KPNA1: variants seen among roughly 807,000 people sequenced by gnomAD.
KPNA1 encodes karyopherin subunit alpha 1.
A neutral mutation model predicts 70.5 loss-of-function variants in KPNA1; 10 were observed. The ratio of observed to expected loss-of-function variants is 0.14; its 90% CI spans 0.09 to 0.24. The LOEUF (loss-of-function observed/expected upper bound fraction) is 0.24. Ranked by LOEUF, KPNA1 falls within the 10% of genes least tolerant of loss-of-function variation. KPNA1 has a pLI of 1.00. For synonymous variants in KPNA1, 192 were observed against 221.9 expected (o/e 0.87, Z 1.20); for missense variants, 397 against 637.9 (o/e 0.62, Z 4.07).
At chr3:122,463,175 C>T (rs761019665) in intron 4 of KPNA1, among the ~76,000 whole-genome samples, 3 of 152,010 alleles carry the variant, frequency 2.0e-5, no homozygotes, top group Admixed American at 6.6e-5. Context: ...AGTGAAACAC[C>T]GTCTCTACTA....
intron 6 of KPNA1, among the ~76,000 whole-genome samples, chr3:122,453,499 TG>T (rs2076233676): frequency 6.6e-6 from 1 of 151,334 alleles, no homozygotes; most frequent in African/African-American, 2.4e-5. Flanking sequence ...CTTATTATGT[TG>T]GGAAATTTTG....
chr3:122,441,524 T>C (rs2076061892), intron 10 of KPNA1, among the ~76,000 whole-genome samples: 1 of 151,808 alleles, frequency 6.6e-6, no homozygotes, highest in Non-Finnish European at 1.5e-5. Flanking sequence ...GTCACTATCA[T>C]AGGACAACCC....
intron 1 of KPNA1, among the ~76,000 whole-genome samples, chr3:122,500,943 T>C (rs2076821872): frequency 6.6e-6 from 1 of 151,718 alleles, no homozygotes; most frequent in African/African-American, 2.4e-5. Flanking sequence ...CTGCTTGCTT[T>C]AGGTTTACTC....
At position 122,496,538 on chromosome 3, in the gene KPNA1, G is replaced by A. The variant is rs1007278639; in HGVS notation, c.28C>T (p.Arg10Cys). MTTPGKENF[R>C]LKSYKNKSLN... ...GATTTGTTCTTGTAACTTTTCAGGC[G>A]AAAGTTCTCTTTTCCTGGGGTGGTC... Residue 10 changes from arginine (R) to cysteine (C), a missense_variant, in exon 2 of 14, where the codon CGC becomes TGC. Physicochemically the swap from Arg to Cys is radical, Grantham distance 180 (BLOSUM62 -3). Coordinates refer to ENST00000344337, the MANE Select transcript of KPNA1 (RefSeq NM_002264.4). 6 of 1,613,742 alleles carry A rather than the reference G, an allele frequency of 3.7e-6. No individual in the cohort carries two copies. Among genetic ancestry groups the A allele is most frequent in the East Asian group, 2.2e-5 (1 of 44,878 alleles).
At chr3:122,467,191 TTAAGCATATTCTTTTTAAAAATGAAA>T in intron 3 of KPNA1, 105 bp downstream of exon 3, 1 of 479,250 alleles carries the variant, frequency 2.1e-6, no homozygotes, top group Non-Finnish European at 3.7e-6. Flanking sequence ...AACCATGAGA[TTAAGCATATTCTTTTTAAAAATGAAA>T]TGCCAAGTAC....
At chr3:122,489,578 T>C (rs554558596) in intron 2 of KPNA1, among the ~76,000 whole-genome samples, 1 of 152,324 alleles carries the variant, frequency 6.6e-6, no homozygotes, top group South Asian at 2.1e-4. Flanking sequence ...CAGAGTCTTT[T>C]TTTATCTTCC....
intron 12 of KPNA1, chr3:122,433,086 A>G (rs1295109464): frequency 1.3e-5 from 2 of 152,276 alleles, no homozygotes; most frequent in Non-Finnish European, 2.9e-5. Flanking sequence ...CAATCAGTCA[A>G]TCACTAAGCT....
At chr3:122,474,382 C>A (rs568249992) in intron 2 of KPNA1, among the ~76,000 whole-genome samples, 109 of 152,120 alleles carry the variant, frequency 7.2e-4, no homozygotes, top group Non-Finnish European at 1.3e-3. Context: ...AAATAGCCAA[C>A]AAAATATTGA....
Position 122,452,214 on chromosome 3 carries a change from T to C in KPNA1, c.565-150A>G, listed in dbSNP as rs377672785. On this transcript the variant is annotated intron_variant, in intron 6 of 13. Coordinates refer to ENST00000344337, the MANE Select transcript of KPNA1 (RefSeq NM_002264.4). Reference sequence around the variant, plus strand: ...GAGGAAGATAAATAATATCCTAAAGTGTACAACAAACAGAAGGTATTCGGT... The same window carrying C: ...GAGGAAGATAAATAATATCCTAAAGCGTACAACAAACAGAAGGTATTCGGT... 3.8e-5 allele frequency: 27 copies of C among 712,220 alleles called. No individual in the cohort carries two copies. In the African/African-American group the frequency reaches 4.0e-4, roughly 11 times the overall value. 44.1% of individuals were successfully genotyped at this position (712,220 alleles called of 1,614,324 possible).
rs140160761 is a variant in KPNA1, at chr3:122,433,702, G to A, written c.1209C>T (p.Ala403=). Residue 403 remains alanine, a synonymous_variant, in exon 12 of 14, where the codon GCC becomes GCT. Transcript: ENST00000344337. The part of the protein sequence containing the change: ...EFRTRKEAAW[A]ITNATSGGSA... Reference sequence around the variant, plus strand: ...ATCCTCCAGAAGTTGCATTTGTGATGGCCCAAGCTGCTTCTTTTCTTGTCC... The same window carrying A: ...ATCCTCCAGAAGTTGCATTTGTGATAGCCCAAGCTGCTTCTTTTCTTGTCC... 51 of 1,613,022 alleles carry A rather than the reference G, an allele frequency of 3.2e-5. No homozygotes were observed. The African/African-American group carries it at 6.3e-4, about 20-fold the overall frequency.
rs758193834 is a variant in KPNA1 at position 122,496,598 on chromosome 3, T to C, written c.-5-28A>G. The C allele has an allele frequency of 1.0e-5, 16 of 1,606,198 alleles. 1 individual carries two copies. The Admixed American group carries it at 1.3e-4, about 14-fold the overall frequency. On this transcript the variant is annotated intron_variant, in intron 1 of 13. Coordinates refer to ENST00000344337, the MANE Select transcript of KPNA1 (RefSeq NM_002264.4). ...ACAATACAAGTGGGGAGAGAACAAA[T>C]GAGTTTACTGTGAAGAGCTCTGTTA...
In KPNA1 at chr3:122,442,093, G is replaced by C. The variant is rs769071901; in HGVS notation, c.941C>G (p.Ser314Cys). 8 of 1,613,490 alleles carry C rather than the reference G, an allele frequency of 5.0e-6. No homozygotes were observed. The African/African-American group carries it at 1.1e-4, about 22-fold the overall frequency. ...GTTTCCCACAGCTCGCAAAGCAGGA[G>C]AAACCACTTTATAATCATTATGCCT... is the stretch of plus-strand genomic sequence containing the variant. ...LLMHNDYKVV[S>C]PALRAVGNIV... is the part of the protein sequence containing the mutation. The change falls in exon 10 of 14, where the codon TCT (serine) becomes TGT (cysteine). Residue 314 changes from serine to cysteine, a missense_variant. Ser to Cys is a moderately radical substitution (Grantham distance 112). Transcript: ENST00000344337.
chr3:122,507,123 T>C (rs1020975205), intron 1 of KPNA1, among the ~76,000 whole-genome samples: 2 of 152,164 alleles, frequency 1.3e-5, no homozygotes, highest in Non-Finnish European at 2.9e-5. Context: ...CTCTATACTT[T>C]CGAAAAATAT....
chr3:122,505,443 CTA>C (rs2076880781), intron 1 of KPNA1, among the ~76,000 whole-genome samples: 1 of 152,164 alleles, frequency 6.6e-6, no homozygotes, highest in Admixed American at 6.5e-5. Context: ...AAATAAATCT[CTA>C]TGTCTGTAAT....
chr3:122,505,747 C>T (rs2076883567), intron 1 of KPNA1, among the ~76,000 whole-genome samples: 1 of 152,192 alleles, frequency 6.6e-6, no homozygotes, highest in Non-Finnish European at 1.5e-5. Context: ...TGTCTAGTTA[C>T]TCAATTATCA....
chr3:122,478,676 C>T (rs551114587), intron 2 of KPNA1, among the ~76,000 whole-genome samples: 2 of 150,252 alleles, frequency 1.3e-5, no homozygotes, highest in Admixed American at 6.6e-5. Context: ...TGCAGTGAGC[C>T]AAGATCGCGC....
At chr3:122,468,152 A>C (rs1479032358) in intron 2 of KPNA1, among the ~76,000 whole-genome samples, 1 of 152,232 alleles carries the variant, frequency 6.6e-6, no homozygotes, top group Non-Finnish European at 1.5e-5. Flanking sequence ...AAAACCACAG[A>C]GTAGTGATAT....
At chr3:122,451,901 T>C (rs1293271082) in intron 7 of KPNA1, 75 bp downstream of exon 7, 17 of 928,898 alleles carry the variant, frequency 1.8e-5, no homozygotes, top group Non-Finnish European at 2.9e-5. Context: ...TCCAAACATG[T>C]AATGCTTTCT....
intron 12 of KPNA1, among the ~76,000 whole-genome samples, chr3:122,429,018 T>G (rs749886194): frequency 1.3e-5 from 2 of 152,162 alleles, no homozygotes; most frequent in Non-Finnish European, 2.9e-5. Flanking sequence ...TACAAAGAAT[T>G]ATATACCAAG....
Sources: allele counts gnomAD v4.1 joint callset (sites outside exome capture counted in the v4.1 genomes callset), GRCh38; gene constraint gnomAD v4.1.1; transcripts MANE v1.5; gene names NCBI Gene and HGNC (gene_info 2026-07-23, HGNC 2026-07-21).